ZNF44: variants seen among roughly 807,000 people sequenced by gnomAD.
ZNF44 encodes the protein gonadotropin inducible transcription repressor-2.
A neutral mutation model predicts 11.7 loss-of-function variants in ZNF44; 9 were observed. That is an observed-to-expected ratio of 0.77 (90% CI 0.46 to 1.35). The LOEUF is 1.35. Ranked by LOEUF, ZNF44 falls within the 40% of genes most tolerant of loss-of-function variation. The pLI is 0.00. For synonymous variants in ZNF44, 224 were observed against 242.7 expected (o/e 0.92, Z 0.72); for missense variants, 696 against 743.1 (o/e 0.94, Z 0.74).
intron 1 of ZNF44, chr19:12,284,980 C>T: frequency 1.4e-6 from 1 of 722,828 alleles, no homozygotes; most frequent in Non-Finnish European, 2.5e-6. Flanking sequence ...TACACCTCAG[C>T]CCGGGGCTGC....
intron 5 of ZNF44, among the ~76,000 whole-genome samples, chr19:12,263,329 G>A (rs773205261): frequency 1.3e-4 from 20 of 151,730 alleles, no homozygotes; most frequent in Non-Finnish European, 2.5e-4. Context: ...CAGGTGATCC[G>A]CCCGCCTCAG....
chr19:12,244,793 T>C (rs1452380717), downstream of ZNF44: 1 of 152,248 alleles, frequency 6.6e-6, no homozygotes, highest in African/African-American at 2.4e-5. Context: ...TAAGAACTAT[T>C]AGAATTTTCC....
At chr19:12,243,625 T>C (rs976188396), downstream of ZNF44, among the ~76,000 whole-genome samples, 12 of 152,238 alleles carry the variant, frequency 7.9e-5, no homozygotes, top group Admixed American at 7.2e-4. Flanking sequence ...AATGAACATA[T>C]GCGAGTGGCA....
At chr19:12,225,967 A>G (rs1915899292), downstream of ZNF44, among the ~76,000 whole-genome samples, 1 of 152,256 alleles carries the variant, frequency 6.6e-6, no homozygotes, top group Admixed American at 6.5e-5. Context: ...CAGAAAAATT[A>G]GAATTTAATT....
intron 1 of ZNF44, among the ~76,000 whole-genome samples, chr19:12,281,709 A>G (rs535846095): frequency 3.9e-5 from 6 of 152,252 alleles, no homozygotes; most frequent in Admixed American, 3.9e-4. Flanking sequence ...CATCACTACT[A>G]CTCCCATGGA....
At chr19:12,269,096 C>A (rs1429480914), downstream of ZNF44, among the ~76,000 whole-genome samples, 1 of 152,100 alleles carries the variant, frequency 6.6e-6, no homozygotes, top group Non-Finnish European at 1.5e-5. Flanking sequence ...ATAGTTCATC[C>A]ACACCTGGAT....
chr19:12,293,430 A>C (rs2145777618), intron 1 of ZNF44: 1 of 1,489,054 alleles, frequency 6.7e-7, no homozygotes, highest in East Asian at 2.5e-5. Context: ...GGACATACTG[A>C]GAAGGCATCT....
chr19:12,226,767 G>A (rs770223539), intron 3 of ZNF44, among the ~76,000 whole-genome samples: 9 of 152,280 alleles, frequency 5.9e-5, no homozygotes, highest in South Asian at 2.1e-4. Context: ...TAAGCAATAC[G>A]TTAAAAAGAT....
chr19:12,262,659 T>C (rs1173322622), intron 5 of ZNF44, among the ~76,000 whole-genome samples: 1 of 152,108 alleles, frequency 6.6e-6, no homozygotes, highest in Admixed American at 6.5e-5. Context: ...AAATGAAAAA[T>C]GTACCCGAGA....
At chr19:12,284,448 C>A in intron 1 of ZNF44, 1 of 638,724 alleles carries the variant, frequency 1.6e-6, no homozygotes, top group South Asian at 1.5e-5. Context: ...GGGCCGGGGC[C>A]GCGGAGCTCT....
intron 1 of ZNF44, among the ~76,000 whole-genome samples, chr19:12,288,284 T>C (rs1967846173): frequency 6.6e-6 from 1 of 152,152 alleles, no homozygotes; most frequent in African/African-American, 2.4e-5. Context: ...GGTTATCAGT[T>C]TGTTATAAAG....
At chr19:12,234,710 C>T (rs1328342809) in exon 2 of ZNF44, 1 of 152,222 alleles carries the variant, frequency 6.6e-6, no homozygotes, top group African/African-American at 2.4e-5. Context: ...CACATCTCTA[C>T]AGATTCTTCA....
chr19:12,244,166 T>C (rs1916704970), downstream of ZNF44, among the ~76,000 whole-genome samples: 1 of 152,132 alleles, frequency 6.6e-6, no homozygotes, highest in South Asian at 2.1e-4. Flanking sequence ...GGCACCACTA[T>C]GCCCAGCTAA....
chr19:12,267,043 CTTTTTTTTT>C (rs560631225), downstream of ZNF44, among the ~76,000 whole-genome samples: 2 of 139,800 alleles, frequency 1.4e-5, no homozygotes, highest in African/African-American at 5.3e-5. Flanking sequence ...TTTCTTTTTT[CTTTTTTTTT>C]TTTTTGAGAC....
chr19:12,266,438 C>T (rs906175796), intron 5 of ZNF44: 32 of 642,420 alleles, frequency 5.0e-5, no homozygotes, highest in Non-Finnish European at 6.2e-5. Context: ...CCCAAACCCA[C>T]GGGCTTTAGC....
upstream of ZNF44, among the ~76,000 whole-genome samples, chr19:12,239,808 C>A (rs1916549057): frequency 6.6e-6 from 1 of 150,810 alleles, no homozygotes; most frequent in African/African-American, 2.4e-5. Context: ...CTCCTGACCT[C>A]GTGCTCCACC....
At chr19:12,290,679 AAC>A (rs146471595) in intron 1 of ZNF44, among the ~76,000 whole-genome samples, 10,274 of 152,084 alleles carry the variant, frequency 0.068, 482 homozygotes, top group Non-Finnish European at 0.1. Context: ...CAGCCTGGGC[AAC>A]AGAGTGAGAC....
intron 5 of ZNF44, among the ~76,000 whole-genome samples, chr19:12,254,743 TAA>T (rs1240402093): frequency 9.0e-6 from 1 of 111,484 alleles, no homozygotes; most frequent in African/African-American, 3.6e-5. Flanking sequence ...TCAAAAATAA[TAA>T]TAATAATAAT....
intron 1 of ZNF44, chr19:12,284,658 G>A (rs550743456): frequency 7.0e-5 from 53 of 761,848 alleles, no homozygotes; most frequent in African/African-American, 3.2e-4. Flanking sequence ...GACCCGTGCC[G>A]GCCAGTGCAC....
Sources: gnomAD v4.1 joint callset for allele counts (sites outside exome capture counted in the v4.1 genomes callset) on GRCh38, gnomAD v4.1.1 for gene constraint, MANE v1.5 for transcripts, NCBI Gene and HGNC (gene_info 2026-07-23, HGNC 2026-07-21) for gene names.